Variants in HPSE2 observed in about 807,000 individuals in gnomAD.
HPSE2 encodes heparanase 2 (inactive).
Under a neutral mutation model 60.5 loss-of-function variants are expected in HPSE2, and 38 were observed. The ratio of observed to expected loss-of-function variants is 0.63; its 90% confidence interval spans 0.48 to 0.82. HPSE2 has a LOEUF of 0.82. Ranked by LOEUF, HPSE2 falls within the 40% of genes least tolerant of loss-of-function variation. The pLI, the probability that HPSE2 is intolerant of heterozygous loss-of-function variation, is 0.00. For synonymous variants in HPSE2, 295 were observed against 293.2 expected (o/e 1.01, Z -0.06); for missense variants, 713 against 740.4 (o/e 0.96, Z 0.43).
At chr10:99,087,665 G>A (rs545887528) in intron 3 of HPSE2, among the ~76,000 whole-genome samples, 1 of 152,238 alleles carries the variant, frequency 6.6e-6, no homozygotes, top group African/African-American at 2.4e-5. Context: ...GAGATTTCAT[G>A]TCCTGTAAGT....
intron 3 of HPSE2, among the ~76,000 whole-genome samples, chr10:98,834,618 A>G (rs534013480): frequency 6.6e-6 from 1 of 152,256 alleles, no homozygotes; most frequent in African/African-American, 2.4e-5. Flanking sequence ...AAATCTCAAA[A>G]TCACATGTAG....
At chr10:98,543,687 T>C (rs2133830977) in intron 9 of HPSE2, among the ~76,000 whole-genome samples, 1 of 152,024 alleles carries the variant, frequency 6.6e-6, no homozygotes, top group South Asian at 2.1e-4. Flanking sequence ...TCCTAGTCTC[T>C]GATAAAACAG....
At chr10:98,663,477 T>C (rs1947279108) in intron 6 of HPSE2, among the ~76,000 whole-genome samples, 1 of 151,936 alleles carries the variant, frequency 6.6e-6, no homozygotes. Context: ...AAGTGGTAAA[T>C]AGTGACTCTT....
chr10:98,952,314 T>TGTG (rs1955383534), intron 3 of HPSE2, among the ~76,000 whole-genome samples: 83 of 137,508 alleles, frequency 6.0e-4, no homozygotes, highest in Middle Eastern at 3.6e-3. Flanking sequence ...AAGAATTTGT[T>TGTG]TGTGTGTGTG....
Position 98,632,972 on chromosome 10 carries a change from GAAGTT to G in HPSE2, c.1098+8870_1098+8874del, listed in dbSNP as rs536080412. On this transcript the variant is annotated intron_variant, in intron 7 of 11. Transcript: ENST00000370552. Reference sequence around the variant, plus strand: ...ACTTATACATTAATTTACGTCAGTGGAAGTTACACTGGGTGCACGTGCCTCTCCTT... The same window carrying G: ...ACTTATACATTAATTTACGTCAGTGGACACTGGGTGCACGTGCCTCTCCTT... Among the ~76,000 whole-genome samples, 96 of 152,042 alleles carry G rather than the reference GAAGTT, an allele frequency of 6.3e-4. 2 individuals carry two copies. The Middle Eastern group carries it at 0.024, about 38-fold the overall frequency.
intron 7 of HPSE2, among the ~76,000 whole-genome samples, chr10:98,632,238 T>C (rs1022892170): frequency 6.6e-5 from 10 of 152,218 alleles, no homozygotes; most frequent in Non-Finnish European, 1.5e-4. Context: ...ATAAATGGCA[T>C]TTATAACCCA....
At position 98,590,149 on chromosome 10, in the gene HPSE2, A is replaced by C. The variant is rs113529407; in HGVS notation, c.1320+24755T>G. Among the ~76,000 whole-genome samples the C allele has an allele frequency of 4.3e-3, 649 of 152,384 alleles. 3 individuals carry two copies. The highest frequency in any genetic ancestry group is 0.015 in the African/African-American group (626 of 41,598). ...CCAACCCCCAAAGCCTTAGTCATAAAAGATAACTTTCGCCCAGGCGTGGTG... is the reference window on the plus strand; with the variant it reads ...CCAACCCCCAAAGCCTTAGTCATAACAGATAACTTTCGCCCAGGCGTGGTG... On this transcript the variant is annotated intron_variant, in intron 9 of 11. Coordinates refer to ENST00000370552, the MANE Select transcript of HPSE2 (RefSeq NM_021828.5).
At chr10:99,062,686 G>A (rs1266065629) in intron 3 of HPSE2, among the ~76,000 whole-genome samples, 1 of 152,088 alleles carries the variant, frequency 6.6e-6, no homozygotes, top group Admixed American at 6.5e-5. Flanking sequence ...AATGATCAGA[G>A]CCAGAAATCA....
intron 3 of HPSE2, among the ~76,000 whole-genome samples, chr10:98,910,487 CAT>C (rs1214620290): frequency 6.6e-5 from 10 of 152,252 alleles, no homozygotes; most frequent in African/African-American, 2.4e-4. Context: ...TTGAACTGTG[CAT>C]ATGTTTTATG....
At chr10:99,188,032 CAT>C (rs2133852834) in intron 2 of HPSE2, among the ~76,000 whole-genome samples, 1 of 152,324 alleles carries the variant, frequency 6.6e-6, no homozygotes, top group South Asian at 2.1e-4. Context: ...TAAGCAAATT[CAT>C]ATCCATGGTT....
chr10:98,574,647 G>T (rs993538959), intron 9 of HPSE2, among the ~76,000 whole-genome samples: 9 of 151,994 alleles, frequency 5.9e-5, no homozygotes, highest in Non-Finnish European at 1.3e-4. Context: ...ATGCAGCCCT[G>T]AAGCAAAGCC....
intron 9 of HPSE2, among the ~76,000 whole-genome samples, chr10:98,492,611 A>C (rs1461403777): frequency 6.6e-6 from 1 of 152,112 alleles, no homozygotes; most frequent in Non-Finnish European, 1.5e-5. Context: ...AATCCCCACC[A>C]TAATTGAGTG....
At position 99,118,283 on chromosome 10, in the gene HPSE2, G is replaced by C. The variant is rs1844788525; in HGVS notation, c.610+25955C>G. On this transcript the variant is annotated intron_variant, in intron 3 of 11. Coordinates refer to ENST00000370552, the MANE Select transcript of HPSE2 (RefSeq NM_021828.5). ...TCACGTCTATAATCCCAGCACTTTG[G>C]GAGGCCAAGGTGGGTGGATCACAAG... 2.0e-5 allele frequency among the ~76,000 whole-genome samples: 3 copies of C among 152,198 alleles called. No homozygotes were observed. The South Asian group carries it at 6.2e-4, about 32-fold the overall frequency.
chr10:98,736,704 T>C (rs1410677936), intron 4 of HPSE2, among the ~76,000 whole-genome samples: 1 of 152,208 alleles, frequency 6.6e-6, no homozygotes, highest in African/African-American at 2.4e-5. Context: ...TATAAGAGTT[T>C]AATAGTTTAA....
chr10:98,471,514 T>C (rs1940778616), intron 11 of HPSE2, among the ~76,000 whole-genome samples: 1 of 152,206 alleles, frequency 6.6e-6, no homozygotes, highest in African/African-American at 2.4e-5. Flanking sequence ...TTTCTTACTT[T>C]TTGAGTGCCA....
rs899558663 is a variant in HPSE2, at chr10:99,139,713, A to G, written c.610+4525T>C. On this transcript the variant is annotated intron_variant, in intron 3 of 11. Coordinates refer to ENST00000370552, the MANE Select transcript of HPSE2 (RefSeq NM_021828.5). ...TTTCCCTAGAAAATTTAAGATATAT[A>G]TATACATACATGTGATACAATCTTT... 2.0e-5 allele frequency among the ~76,000 whole-genome samples: 3 copies of G among 152,220 alleles called. No homozygotes were observed. The East Asian group carries it at 5.8e-4, about 29-fold the overall frequency.
intron 3 of HPSE2, among the ~76,000 whole-genome samples, chr10:98,760,263 T>C (rs540384046): frequency 1.8e-4 from 28 of 152,122 alleles, no homozygotes; most frequent in African/African-American, 6.5e-4. Context: ...TAATAATTTG[T>C]TTATGATTTA....
chr10:98,496,304 A>C (rs1941836999), intron 9 of HPSE2, among the ~76,000 whole-genome samples: 1 of 152,226 alleles, frequency 6.6e-6, no homozygotes, highest in Admixed American at 6.5e-5. Flanking sequence ...CAAAACAAAA[A>C]GGCACCAATC....
intron 6 of HPSE2, among the ~76,000 whole-genome samples, chr10:98,661,596 T>G (rs962936800): frequency 2.6e-5 from 4 of 152,250 alleles, no homozygotes; most frequent in African/African-American, 9.6e-5. Context: ...CTTTCCTTTT[T>G]TCACCTAAAC....
Sources: gnomAD v4.1 joint callset for allele counts (sites outside exome capture counted in the v4.1 genomes callset) on GRCh38, gnomAD v4.1.1 for gene constraint, MANE v1.5 for transcripts, NCBI Gene and HGNC (gene_info 2026-07-23, HGNC 2026-07-21) for gene names.